KSR2: variants seen among roughly 807,000 people sequenced by gnomAD.
KSR2 encodes kinase suppressor of ras 2.
A neutral mutation model predicts 107.8 loss-of-function variants in KSR2; 25 were observed. The ratio of observed to expected loss-of-function variants is 0.23; its 90% CI spans 0.17 to 0.32. The LOEUF is 0.32. Ranked by LOEUF, KSR2 falls within the 10% of genes least tolerant of loss-of-function variation. The pLI is 1.00. For synonymous variants in KSR2, 480 were observed against 507.0 expected (o/e 0.95, Z 0.71); for missense variants, 887 against 1,268.9 (o/e 0.70, Z 4.57).
At chr12:117,875,355 A>G (rs1893806481) in intron 1 of KSR2, among the ~76,000 whole-genome samples, 1 of 117,408 alleles carries the variant, frequency 8.5e-6, no homozygotes, top group Admixed American at 9.1e-5. Context: ...TTTTTTTAAG[A>G]ACGAAAGCGG....
intron 5 of KSR2, among the ~76,000 whole-genome samples, chr12:117,635,575 G>A (rs10850865): frequency 0.17 from 25,099 of 152,106 alleles, 2,157 homozygotes; most frequent in Middle Eastern, 0.24. Context: ...TAAGTGATGG[G>A]TTTAAGGATT....
Position 117,464,889 on chromosome 12 carries a change from C to G in KSR2, c.*2310G>C, listed in dbSNP as rs1871073128. 1 of 152,276 alleles carries G rather than the reference C, an allele frequency of 6.6e-6. No individual in the cohort carries two copies. Among genetic ancestry groups the G allele is most frequent in the South Asian group, 2.1e-4 (1 of 4,830 alleles). 9.4% of individuals were successfully genotyped at this position (152,276 alleles called of 1,614,324 possible). A position where few individuals can be genotyped will look rare whatever the true frequency, so the allele number is the denominator to read the frequency against. ...GCTCATGAATGAATGGAAAAATCAG[C>G]TGTTGGAGATCATGCTAGGCCTTGC... On this transcript the variant is annotated 3_prime_UTR_variant, in exon 20 of 20. Coordinates refer to ENST00000339824, the MANE Select transcript of KSR2 (RefSeq NM_173598.6).
At chr12:117,581,048 C>G (rs530977915) in intron 6 of KSR2, among the ~76,000 whole-genome samples, 28 of 152,238 alleles carry the variant, frequency 1.8e-4, no homozygotes, top group Non-Finnish European at 3.5e-4. Flanking sequence ...GCCTTTCTCT[C>G]TGCAGCTCAA....
At chr12:117,626,487 T>C (rs1283366455) in intron 5 of KSR2, among the ~76,000 whole-genome samples, 1 of 152,228 alleles carries the variant, frequency 6.6e-6, no homozygotes, top group Non-Finnish European at 1.5e-5. Context: ...AGGAGCAAGT[T>C]GTTCAGTTTC....
At chr12:117,838,985 G>T (rs1431089293) in intron 3 of KSR2, among the ~76,000 whole-genome samples, 1 of 152,192 alleles carries the variant, frequency 6.6e-6, no homozygotes, top group Non-Finnish European at 1.5e-5. Context: ...AATAGGTATG[G>T]CAGTGTTCCA....
intron 5 of KSR2, among the ~76,000 whole-genome samples, chr12:117,627,605 C>T (rs955979692): frequency 1.3e-5 from 2 of 152,114 alleles, no homozygotes; most frequent in Non-Finnish European, 2.9e-5. Context: ...TGTGGGTAAC[C>T]TGACCTTTCT....
At chr12:117,920,986 G>A (rs1895325835) in intron 1 of KSR2, among the ~76,000 whole-genome samples, 1 of 152,140 alleles carries the variant, frequency 6.6e-6, no homozygotes, top group Admixed American at 6.5e-5. Context: ...TCTTAGTCTT[G>A]ATACTAGTAT....
intron 1 of KSR2, among the ~76,000 whole-genome samples, chr12:117,864,616 T>C (rs1176417118): frequency 2.6e-5 from 4 of 152,168 alleles, no homozygotes; most frequent in Non-Finnish European, 4.4e-5. Flanking sequence ...GCTAGAAGTT[T>C]GAAATCAAGG....
chr12:117,470,825 T>C (rs1251127132), intron 18 of KSR2, among the ~76,000 whole-genome samples: 1 of 152,248 alleles, frequency 6.6e-6, no homozygotes, highest in African/African-American at 2.4e-5. Context: ...AGATAATGCC[T>C]TAAAATTATT....
At position 117,559,041 on chromosome 12, in the gene KSR2, A is replaced by AGGATGGATGGAT. The variant is rs59506127; in HGVS notation, c.1326-480_1326-469dup. ...ATAAATGGATAGATGGATGGATGGA[A>AGGATGGATGGAT]GGATGGATGGATGGATGGATGGATG... On this transcript the variant is annotated intron_variant, in intron 7 of 19. Transcript: ENST00000339824. 2.7e-3 allele frequency among the ~76,000 whole-genome samples: 394 copies of AGGATGGATGGAT among 145,456 alleles called. 1 individual carries two copies. Among genetic ancestry groups the AGGATGGATGGAT allele is most frequent in the East Asian group, 0.019 (88 of 4,690 alleles).
chr12:117,848,835 G>GTGGTGGTGGTGGTGATGA (rs1892808799), intron 3 of KSR2, among the ~76,000 whole-genome samples: 1 of 40,134 alleles, frequency 2.5e-5, no homozygotes, highest in African/African-American at 9.1e-5. Flanking sequence ...GATGGTGGTA[G>GTGGTGGTGGTGGTGATGA]TGGTGGTGAT....
chr12:117,855,331 T>G, intron 3 of KSR2, 97 bp downstream of exon 3: 1 of 1,526,834 alleles, frequency 6.5e-7, no homozygotes, highest in Non-Finnish European at 9.0e-7. Flanking sequence ...TGACTCTGTC[T>G]CGTCCTGGCC....
intron 5 of KSR2, among the ~76,000 whole-genome samples, chr12:117,657,793 T>C (rs1884249499): frequency 6.6e-6 from 1 of 152,228 alleles, no homozygotes; most frequent in Non-Finnish European, 1.5e-5. Flanking sequence ...TTGCTATCTA[T>C]TCAAAACTAT....
At chr12:117,542,920 G>C (rs934734749) in intron 9 of KSR2, among the ~76,000 whole-genome samples, 1 of 152,132 alleles carries the variant, frequency 6.6e-6, no homozygotes, top group African/African-American at 2.4e-5. Flanking sequence ...GTTGTTGCAG[G>C]TATCGATAGT....
intron 1 of KSR2, among the ~76,000 whole-genome samples, chr12:117,915,885 A>G (rs1566080396): frequency 6.6e-6 from 1 of 152,088 alleles, no homozygotes; most frequent in African/African-American, 2.4e-5. Context: ...AGCTCCCCAC[A>G]CCCAGAATCA....
At chr12:117,582,837 G>T (rs745919495) in intron 5 of KSR2, among the ~76,000 whole-genome samples, 1 of 152,204 alleles carries the variant, frequency 6.6e-6, no homozygotes, top group Non-Finnish European at 1.5e-5. Flanking sequence ...ATGAACATGT[G>T]CCCTTGCATG....
chr12:117,960,798 T>C (rs1896638585), intron 1 of KSR2, among the ~76,000 whole-genome samples: 1 of 101,318 alleles, frequency 9.9e-6, no homozygotes, highest in African/African-American at 6.8e-5. Context: ...TTCTTTTTCC[T>C]TTTTTTTTTT....
At chr12:117,912,723 C>T (rs536309402) in intron 1 of KSR2, among the ~76,000 whole-genome samples, 1 of 152,116 alleles carries the variant, frequency 6.6e-6, no homozygotes, top group African/African-American at 2.4e-5. Context: ...AAGTGCTCAA[C>T]AAGGAGCTGG....
At chr12:117,716,816 A>G (rs1203057115) in intron 4 of KSR2, among the ~76,000 whole-genome samples, 2 of 152,224 alleles carry the variant, frequency 1.3e-5, no homozygotes, top group African/African-American at 4.8e-5. Flanking sequence ...ATGTAGCTCA[A>G]ATGAGATAAT....
Sources: allele counts gnomAD v4.1 joint callset (sites outside exome capture counted in the v4.1 genomes callset), GRCh38; gene constraint gnomAD v4.1.1; transcripts MANE v1.5; gene names NCBI Gene and HGNC (gene_info 2026-07-23, HGNC 2026-07-21).